SPOUT1: variants seen among roughly 807,000 people sequenced by gnomAD.
The protein encoded by SPOUT1 is SPOUT domain containing methyltransferase 1, also known as 28S rRNA (uridine-N(3))-methyltransferase.
In SPOUT1, 40 loss-of-function variants were observed where a neutral mutation model predicts 54.8. The ratio of observed to expected loss-of-function variants is 0.73; its 90% CI spans 0.57 to 0.95. The LOEUF (loss-of-function observed/expected upper bound fraction) is 0.95. Ranked by LOEUF, SPOUT1 falls within the 40% of genes least tolerant of loss-of-function variation. The probability of loss-of-function intolerance (pLI) is 0.00; values close to 1 mark genes in which losing one functional copy is unlikely to be tolerated. For missense variants in SPOUT1, 437 were observed against 499.5 expected (o/e 0.87, Z 1.19); for synonymous variants, 193 against 200.3 (o/e 0.96, Z 0.31).
rs950501249 is a variant in SPOUT1 at position 128,826,705 on chromosome 9, T to C, written c.369-76A>G. On this transcript the variant is annotated intron_variant, in intron 4 of 11. Coordinates refer to ENST00000361256, the MANE Select transcript of SPOUT1 (RefSeq NM_016390.4). This position sits in a 1 kb window ranked among gnomAD's most constrained non-coding sequence, Gnocchi z 5.5. ...GCTCCTGTCTACAAGTGCACGCGTA[T>C]AATCCCAGCTACTCAGGAGGCTAAG... The C allele has an allele frequency of 1.2e-5, 13 of 1,041,148 alleles. No individual in the cohort carries two copies. The highest frequency in any genetic ancestry group is 5.0e-5 in the Admixed American group (2 of 40,026). 64.5% of individuals were successfully genotyped at this position (1,041,148 alleles called of 1,614,324 possible). A position where few individuals can be genotyped will look rare whatever the true frequency, so the allele number is the denominator to read the frequency against.
Position 128,827,178 on chromosome 9 carries a change from T to A in SPOUT1, c.222A>T (p.Thr74=). 1.2e-6 allele frequency: 2 copies of A among 1,612,876 alleles called. No individual in the cohort carries two copies. The highest frequency in any genetic ancestry group is 1.7e-6 in the Non-Finnish European group (2 of 1,179,750). ...TGGAGCCCGGCAGGGCTACGCTCAGTGTGTAGGGCCGCCCTGAGCAGGGGA... is the reference window on the plus strand; with the variant it reads ...TGGAGCCCGGCAGGGCTACGCTCAGAGTGTAGGGCCGCCCTGAGCAGGGGA... ...AEKEDRGRPY[T]LSVALPGSIL... Residue 74 remains threonine, a synonymous_variant, in exon 4 of 12, where the codon ACA becomes ACT. Transcript: ENST00000361256.
Position 128,826,619 on chromosome 9 carries a change from C to G in SPOUT1, c.379G>C (p.Gly127Arg). 1 of 1,584,698 alleles carries G rather than the reference C, an allele frequency of 6.3e-7. No homozygotes were observed. Residue 127 changes from glycine (G) to arginine (R), a missense_variant, in exon 5 of 12, where the codon GGG (glycine) becomes CGG (arginine). Physicochemically the swap from Gly to Arg is moderately radical, Grantham distance 125. Transcript: ENST00000361256. The surrounding 1 kb of genome is among the most constrained non-coding windows in gnomAD (Gnocchi z 5.5). ...TTCTTCCCAACTCCTGTGAATTCCC[C>G]CTCCACAGTCCTGGAGAGAGAGAGA... ...EEGQDAKTVE[G>R]EFTGVGKKGQ...
chr9:128,820,430 C>A lies in SPOUT1; in HGVS notation c.*2335G>T. The A allele has an allele frequency of 3.1e-6, 1 of 325,932 alleles. No individual in the cohort carries two copies. Among genetic ancestry groups the A allele is most frequent in the Non-Finnish European group, 5.7e-6 (1 of 175,612 alleles). The allele number at this position is 325,932 out of a possible 1,614,324, so 20.2% of individuals were successfully genotyped here. ...GGAAGGGCTGGTCTTCCCAGGAGAC[C>A]CTGGGTGGGGCTGGGGACAGGCCTC... On this transcript the variant is annotated 3_prime_UTR_variant, in exon 12 of 12. Coordinates refer to ENST00000361256, the MANE Select transcript of SPOUT1 (RefSeq NM_016390.4).
Position 128,820,756 on chromosome 9 carries a change from G to T in SPOUT1, c.*2009C>A. 6.2e-7 allele frequency: 1 copy of T among 1,611,270 alleles called. No individual in the cohort carries two copies. The highest frequency in any genetic ancestry group is 8.5e-7 in the Non-Finnish European group (1 of 1,178,698). On this transcript the variant is annotated 3_prime_UTR_variant, in exon 12 of 12. Transcript: ENST00000361256. ...CCTACCAGGTGCCCCACCTCAACCA[G>T]AATGCCTGGAACAACCTGGAGAAAT...
rs1459441509 is a variant in SPOUT1, at chr9:128,824,006, T to C, written c.914+66A>G. The C allele has an allele frequency of 1.9e-6, 3 of 1,578,924 alleles. No individual in the cohort carries two copies. In the African/African-American group the frequency reaches 4.0e-5, roughly 21 times the overall value. On this transcript the variant is annotated intron_variant, in intron 10 of 11. Transcript: ENST00000361256. ...ACAGCAGGGGCCCATCTGTGCAGCT[T>C]CACCCACCAGGCAGGTTCCTGGCCA... is the stretch of plus-strand genomic sequence containing the variant.
At position 128,822,217 on chromosome 9, in the gene SPOUT1, G is replaced by C. The variant is rs144560923; in HGVS notation, c.*548C>G. 1.1e-3 allele frequency: 1,417 copies of C among 1,312,776 alleles called. 5 individuals are homozygous for C. The African/African-American group carries it at 0.014, about 13-fold the overall frequency. The allele number at this position is 1,312,776 out of a possible 1,614,324, so 81.3% of individuals were successfully genotyped here. A position where few individuals can be genotyped will look rare whatever the true frequency, so the allele number is the denominator to read the frequency against. ...TACAGAAGTCTCACAGTGAGGGCGT[G>C]GTCCTGCAGGTTGACAGAAGTTAGA... is the stretch of plus-strand genomic sequence containing the variant. On this transcript the variant is annotated 3_prime_UTR_variant, in exon 12 of 12. Coordinates refer to ENST00000361256, the MANE Select transcript of SPOUT1 (RefSeq NM_016390.4).
At chr9:128,824,381 AG>A (rs1830196614) in intron 9 of SPOUT1, among the ~76,000 whole-genome samples, 1 of 151,380 alleles carries the variant, frequency 6.6e-6, no homozygotes, top group Non-Finnish European at 1.5e-5. Flanking sequence ...TGTACCGAGC[AG>A]GGGTGGGTAG....
chr9:128,824,655 G>T, intron 9 of SPOUT1, 116 bp downstream of exon 9: 1 of 713,660 alleles, frequency 1.4e-6, no homozygotes, highest in South Asian at 1.7e-5. Flanking sequence ...CTTGCCCAAG[G>T]ACACACAGCA....
rs1463150418 is a variant in SPOUT1 at position 128,826,804 on chromosome 9, C to T, written c.369-175G>A. ...ACCATGCCACTGCATGCACTCCAGC[C>T]GGGGTGACAGCTGAGATACAGGTTT... On this transcript the variant is annotated intron_variant, in intron 4 of 11. Coordinates refer to ENST00000361256, the MANE Select transcript of SPOUT1 (RefSeq NM_016390.4). This position sits in a 1 kb window ranked among gnomAD's most constrained non-coding sequence, Gnocchi z 5.5. 2.0e-5 allele frequency among the ~76,000 whole-genome samples: 3 copies of T among 152,128 alleles called. No homozygotes were observed. The highest frequency in any genetic ancestry group is 2.9e-5 in the Non-Finnish European group (2 of 68,010).
Position 128,822,500 on chromosome 9 carries a change from C to A in SPOUT1, c.*265G>T. ...TGTGGATGAGGCCATCCCACTGGAG[C>A]GCTTCCTGGTGCCCATCGAGAGCAT... On this transcript the variant is annotated 3_prime_UTR_variant, in exon 12 of 12. Transcript: ENST00000361256. The A allele has an allele frequency of 6.4e-7, 1 of 1,562,326 alleles. No homozygotes were observed. Among genetic ancestry groups the A allele is most frequent in the Admixed American group, 1.9e-5 (1 of 51,772 alleles).
rs1268751571 is a variant in SPOUT1 at position 128,822,514 on chromosome 9, CA to C, written c.*250del. The C allele has an allele frequency of 9.6e-6, 15 of 1,560,248 alleles. No homozygotes were observed. The highest frequency in any genetic ancestry group is 1.2e-5 in the Non-Finnish European group (14 of 1,151,860). ...TCCCACTGGAGCGCTTCCTGGTGCC[CA>C]TCGAGAGCATTGAGCGGGCTTCGGG... On this transcript the variant is annotated 3_prime_UTR_variant, in exon 12 of 12. Transcript: ENST00000361256.
chr9:128,825,504 G>A (rs1157200513), intron 7 of SPOUT1, among the ~76,000 whole-genome samples: 1 of 151,976 alleles, frequency 6.6e-6, no homozygotes, highest in East Asian at 1.9e-4. Context: ...GATCATTTTT[G>A]TACTTTTATT....
intron 3 of SPOUT1, among the ~76,000 whole-genome samples, chr9:128,827,537 C>T (rs1376715488): frequency 1.3e-5 from 2 of 152,192 alleles, no homozygotes; most frequent in Non-Finnish European, 2.9e-5. Flanking sequence ...CACATTAACC[C>T]GATAGCCATT....
At position 128,827,188 on chromosome 9, in the gene SPOUT1, C is replaced by A. The variant is rs777629140; in HGVS notation, c.212G>T (p.Arg71Leu). ...EAAAEKEDRG[R>L]PYTLSVALPG... ...CAGGGCTACGCTCAGTGTGTAGGGCCGCCCTGAGCAGGGGAGGGATGTTCC... is the reference window on the plus strand; with the variant it reads ...CAGGGCTACGCTCAGTGTGTAGGGCAGCCCTGAGCAGGGGAGGGATGTTCC... The change falls in exon 4 of 12, where the codon CGG becomes CTG. Residue 71 changes from arginine to leucine, a missense_variant. By Grantham distance (102) the Arg-to-Leu change is moderately radical. Transcript: ENST00000361256. The A allele has an allele frequency of 6.2e-7, 1 of 1,610,298 alleles. No homozygotes were observed. Among genetic ancestry groups the A allele is most frequent in the Admixed American group, 1.7e-5 (1 of 59,912 alleles).
At position 128,821,042 on chromosome 9, in the gene SPOUT1, C is replaced by T; in HGVS notation, c.*1723G>A. 5.0e-6 allele frequency: 3 copies of T among 596,674 alleles called. No individual in the cohort carries two copies. Among genetic ancestry groups the T allele is most frequent in the Non-Finnish European group, 9.0e-6 (3 of 335,004 alleles). The allele number at this position is 596,674 out of a possible 1,614,324, so 37.0% of individuals were successfully genotyped here. On this transcript the variant is annotated 3_prime_UTR_variant, in exon 12 of 12. Coordinates refer to ENST00000361256, the MANE Select transcript of SPOUT1 (RefSeq NM_016390.4). ...CCACAGCCAAAGACCTGTCGGGTAC[C>T]CCTGACCATCTCTCCTCTGCCCATG...
rs571231923 is a variant in SPOUT1, at chr9:128,828,871, G to T, written c.83-11C>A. 3.1e-6 allele frequency: 5 copies of T among 1,613,860 alleles called. No individual in the cohort carries two copies. In the African/African-American group the frequency reaches 4.0e-5, roughly 13 times the overall value. ...TTTTCTCCTCTTTCTCTGGATAAAA[G>T]AACATCCTAATTGGCCAAGGAGACA... On this transcript the variant is annotated splice_polypyrimidine_tract_variant and intron_variant, in intron 2 of 11. Transcript: ENST00000361256.
rs1830094892 is a variant in SPOUT1, at chr9:128,820,736, C to A, written c.*2029G>T. The A allele has an allele frequency of 2.5e-6, 4 of 1,606,820 alleles. No homozygotes were observed. In the South Asian group the frequency reaches 4.5e-5, roughly 18 times the overall value. On this transcript the variant is annotated 3_prime_UTR_variant, in exon 12 of 12. Transcript: ENST00000361256. ...TCCTGCTAAGCCCTATCTCTCCTAC[C>A]AGGTGCCCCACCTCAACCAGAATGC...
chr9:128,829,542 G>C (rs904784188), intron 1 of SPOUT1, among the ~76,000 whole-genome samples: 1 of 152,202 alleles, frequency 6.6e-6, no homozygotes, highest in South Asian at 2.1e-4. Context: ...GGGGGCCAGG[G>C]AGCCGCAGGG....
rs753683362 is a variant in SPOUT1 at position 128,827,037 on chromosome 9, A to G, written c.363T>C (p.Asp121=). 2.5e-6 allele frequency: 4 copies of G among 1,613,750 alleles called. No homozygotes were observed. Among genetic ancestry groups the G allele is most frequent in the South Asian group, 1.1e-5 (1 of 91,064 alleles). The part of the protein sequence containing the change: ...EIVVFDEEGQ[D]AKTVEGEFTG... ...CCTGTGGGATGGCCCCTTACTTGGC[A>G]TCCTGGCCCTCCTCATCAAACACCA... Residue 121 remains aspartate, a synonymous_variant, in exon 4 of 12, where the codon GAT becomes GAC. Coordinates refer to ENST00000361256, the MANE Select transcript of SPOUT1 (RefSeq NM_016390.4).
Sources: gnomAD v4.1 joint callset for allele counts (sites outside exome capture counted in the v4.1 genomes callset) on GRCh38, gnomAD v4.1.1 for gene constraint, Gnocchi (gnomAD v3.1) non-coding constraint, MANE v1.5 for transcripts, NCBI Gene and HGNC (gene_info 2026-07-23, HGNC 2026-07-21) for gene names.